The following ESRRB variants were observed in gnomAD, a reference collection of about 807,000 sequenced individuals.
The protein encoded by ESRRB is estrogen related receptor beta.
A neutral mutation model predicts 46.0 loss-of-function variants in ESRRB; 16 were observed. The ratio of observed to expected loss-of-function variants is 0.35; its 90% CI spans 0.24 to 0.53. The LOEUF (loss-of-function observed/expected upper bound fraction) is 0.53, where lower values mean the gene tolerates loss of function less well. Among genes scored for constraint, ESRRB ranks in the 20% least tolerant of loss-of-function variants. ESRRB has a pLI of 0.93. For missense variants in ESRRB, 488 were observed against 607.4 expected (o/e 0.80, Z 2.07); for synonymous variants, 246 against 259.6 (o/e 0.95, Z 0.50).
chr14:76,463,848 CT>C (rs1004128312), intron 3 of ESRRB, among the ~76,000 whole-genome samples: 2 of 152,116 alleles, frequency 1.3e-5, no homozygotes, highest in African/African-American at 4.8e-5. Context: ...ACTTTCTCTA[CT>C]GATTTGCTCC....
intron 2 of ESRRB, among the ~76,000 whole-genome samples, chr14:76,448,806 G>A (rs1888261935): frequency 6.6e-6 from 1 of 152,026 alleles, no homozygotes; most frequent in Non-Finnish European, 1.5e-5. Context: ...AAACTTTAAG[G>A]GATCTAGGTA....
At chr14:76,423,387 G>T (rs1887057522) in intron 1 of ESRRB, among the ~76,000 whole-genome samples, 1 of 152,068 alleles carries the variant, frequency 6.6e-6, no homozygotes. Flanking sequence ...CAAGTGATCT[G>T]CTCACTTTGG....
At chr14:76,468,278 G>A (rs547354674) in intron 3 of ESRRB, among the ~76,000 whole-genome samples, 2 of 152,058 alleles carry the variant, frequency 1.3e-5, no homozygotes, top group South Asian at 4.2e-4. Context: ...ATATATTAGT[G>A]TTTTGAAACA....
intron 3 of ESRRB, 52 bp from the exon 4 acceptor site, chr14:76,481,964 C>G: frequency 6.5e-7 from 1 of 1,541,754 alleles, no homozygotes; most frequent in Non-Finnish European, 9.0e-7. Flanking sequence ...AGTGCTTCTA[C>G]CCTGGTGATG....
intron 1 of ESRRB, among the ~76,000 whole-genome samples, chr14:76,361,758 G>A (rs1442961371): frequency 1.3e-5 from 2 of 152,214 alleles, no homozygotes; most frequent in Non-Finnish European, 2.9e-5. Context: ...CCTTAGCCCT[G>A]ACATTGTTGG....
chr14:76,401,860 T>C (rs1381071768), intron 1 of ESRRB, among the ~76,000 whole-genome samples: 1 of 152,154 alleles, frequency 6.6e-6, no homozygotes, highest in Non-Finnish European at 1.5e-5. Flanking sequence ...TATAAAGAGA[T>C]TTATTATAAG....
chr14:76,500,532 A>G lies in ESRRB; in HGVS notation c.*2074A>G. On this transcript the variant is annotated 3_prime_UTR_variant, in exon 7 of 7. Transcript: ENST00000644823. The stretch of plus-strand genomic sequence containing the variant: ...TGCTCCGGAGAAACCTTCACAGTAG[A>G]GACCTTGGGGTGTGTGCTTTGGGAC... 2 of 708,576 alleles carry G rather than the reference A, an allele frequency of 2.8e-6. No homozygotes were observed. The highest frequency in any genetic ancestry group is 3.2e-5 in the South Asian group (2 of 62,322). The allele number at this position is 708,576 out of a possible 1,614,324, so 43.9% of individuals were successfully genotyped here. A position where few individuals can be genotyped will look rare whatever the true frequency, so the allele number is the denominator to read the frequency against.
At chr14:76,410,682 T>C (rs1162033584) in intron 1 of ESRRB, among the ~76,000 whole-genome samples, 1 of 152,134 alleles carries the variant, frequency 6.6e-6, no homozygotes, top group East Asian at 1.9e-4. Flanking sequence ...AATCATATGC[T>C]CTCTTATGTG....
chr14:76,468,879 G>A (rs1027163276), intron 3 of ESRRB, among the ~76,000 whole-genome samples: 2 of 152,050 alleles, frequency 1.3e-5, no homozygotes, highest in South Asian at 2.1e-4. Context: ...CCCTACTCTT[G>A]TAATCTTGCT....
intron 1 of ESRRB, among the ~76,000 whole-genome samples, chr14:76,332,761 A>T (rs771612053): frequency 3.1e-4 from 2 of 6,550 alleles, no homozygotes; most frequent in South Asian, 9.6e-3. Context: ...TTATATATAA[A>T]TATATAATAT....
chr14:76,411,362 C>T (rs866933649), intron 1 of ESRRB, among the ~76,000 whole-genome samples: 1 of 151,968 alleles, frequency 6.6e-6, no homozygotes, highest in African/African-American at 2.4e-5. Context: ...GCAGGAGAAT[C>T]ACTTGAATCT....
chr14:76,498,479 T>C lies in ESRRB; in HGVS notation c.*21T>C. The C allele has an allele frequency of 6.2e-7, 1 of 1,612,996 alleles. No individual in the cohort carries two copies. Among genetic ancestry groups the C allele is most frequent in the Non-Finnish European group, 8.5e-7 (1 of 1,179,986 alleles). On this transcript the variant is annotated 3_prime_UTR_variant, in exon 7 of 7. Transcript: ENST00000644823. ...TGTGATGGCCCCGCACACGGACCAA[T>C]GCCCACCTACAGACAGACAAACGGA...
chr14:76,380,042 C>T (rs557489027), intron 1 of ESRRB, among the ~76,000 whole-genome samples: 26 of 152,246 alleles, frequency 1.7e-4, no homozygotes, highest in African/African-American at 6.0e-4. Flanking sequence ...TCACACCCTG[C>T]CTTCTCAGAG....
chr14:76,330,850 G>T (rs1884005065), intron 1 of ESRRB, among the ~76,000 whole-genome samples: 1 of 152,100 alleles, frequency 6.6e-6, no homozygotes, highest in South Asian at 2.1e-4. Flanking sequence ...GGAGAATCTG[G>T]GAATGCAGGG....
Position 76,397,455 on chromosome 14 carries a change from C to A in ESRRB, c.50+21004C>A, listed in dbSNP as rs147556882. The stretch of plus-strand genomic sequence containing the variant: ...ACAGCCAAAGCGCCAGGTACCCCAT[C>A]CAGGGTGTCAGTAATGTGTGGAGTT... On this transcript the variant is annotated intron_variant, in intron 1 of 6. Coordinates refer to ENST00000644823, the MANE Select transcript of ESRRB (RefSeq NM_001379180.1). Among the ~76,000 whole-genome samples the A allele has an allele frequency of 1.1e-4, 16 of 152,352 alleles. No homozygotes were observed. The East Asian group carries it at 2.7e-3, about 26-fold the overall frequency.
At chr14:76,399,214 A>G (rs1167974488) in intron 1 of ESRRB, among the ~76,000 whole-genome samples, 5 of 152,126 alleles carry the variant, frequency 3.3e-5, no homozygotes, top group Non-Finnish European at 7.4e-5. Flanking sequence ...GCGCGTATAT[A>G]TCTTTATTTA....
intron 1 of ESRRB, among the ~76,000 whole-genome samples, chr14:76,346,981 G>A (rs1335455195): frequency 4.6e-5 from 7 of 152,186 alleles, no homozygotes; most frequent in African/African-American, 9.6e-5. Flanking sequence ...ACAGGCACGT[G>A]CTTATGCAAA....
chr14:76,362,998 C>A (rs1231386781), intron 1 of ESRRB, among the ~76,000 whole-genome samples: 1 of 152,166 alleles, frequency 6.6e-6, no homozygotes, highest in Non-Finnish European at 1.5e-5. Flanking sequence ...AAGCCAAGTG[C>A]CTGGTCATTT....
chr14:76,463,449 T>TG (rs1566600016), intron 3 of ESRRB: 4 of 135,270 alleles, frequency 3.0e-5, no homozygotes, highest in African/African-American at 1.2e-4. Flanking sequence ...TTCTTTGTTT[T>TG]TTTTTTTTTT....
Sources: gnomAD v4.1 joint callset for allele counts (sites outside exome capture counted in the v4.1 genomes callset) on GRCh38, gnomAD v4.1.1 for gene constraint, MANE v1.5 for transcripts, NCBI Gene and HGNC (gene_info 2026-07-23, HGNC 2026-07-21) for gene names.